Variants in FRAS1 observed in about 807,000 individuals in gnomAD.
FRAS1 encodes the protein extracellular matrix organizing protein FRAS1.
A neutral mutation model predicts 435.2 loss-of-function variants in FRAS1; 290 were observed. That is an observed-to-expected ratio of 0.67 (90% CI 0.61 to 0.73). The LOEUF is 0.73. FRAS1 is among the 30% of genes least tolerant of loss of function. The pLI is 0.00. For missense variants in FRAS1, 4,860 were observed against 5,001.5 expected, an observed-to-expected ratio of 0.97 and a Z score of 0.85; for synonymous variants, 1,800 against 1,851.0, an observed-to-expected ratio of 0.97 and a Z score of 0.71.
At chr4:78,362,212 A>C (rs1309366415) in intron 20 of FRAS1, among the ~76,000 whole-genome samples, 1 of 152,178 alleles carries the variant, frequency 6.6e-6, no homozygotes, top group Non-Finnish European at 1.5e-5. Flanking sequence ...TTAAAGACCA[A>C]AATTTTCCAG....
rs17454641 is a variant in FRAS1, at chr4:78,177,415, C to T, written c.109-60095C>T. On this transcript the variant is annotated intron_variant, in intron 2 of 73. Coordinates refer to ENST00000512123, the MANE Select transcript of FRAS1 (RefSeq NM_025074.7). ...ACACTGCCTTGGTCCATAGTGGAAC[C>T]TTAATGGTGGAGTATGGCCATGGGC... Among the ~76,000 whole-genome samples, 934 of 152,206 alleles carry T rather than the reference C, an allele frequency of 6.1e-3. 2 individuals carry two copies. The highest frequency in any genetic ancestry group is 0.011 in the Non-Finnish European group (743 of 68,010).
At chr4:78,232,359 C>T (rs917220817) in intron 2 of FRAS1, among the ~76,000 whole-genome samples, 6 of 151,338 alleles carry the variant, frequency 4.0e-5, no homozygotes, top group Non-Finnish European at 8.8e-5. Context: ...GATCTCGGCT[C>T]ACTGCAAGCT....
chr4:78,239,237 C>G (rs576061403), intron 3 of FRAS1, among the ~76,000 whole-genome samples: 3 of 152,178 alleles, frequency 2.0e-5, no homozygotes, highest in African/African-American at 7.2e-5. Context: ...AAATGGCAAC[C>G]CCATTCTCCC....
chr4:78,158,506 A>C (rs1720987206), intron 2 of FRAS1, among the ~76,000 whole-genome samples: 1 of 152,110 alleles, frequency 6.6e-6, no homozygotes, highest in African/African-American at 2.4e-5. Flanking sequence ...GGTGTATAGA[A>C]ATGTTTAGTC....
intron 2 of FRAS1, among the ~76,000 whole-genome samples, chr4:78,142,998 A>G (rs1720258599): frequency 6.6e-6 from 1 of 152,304 alleles, no homozygotes; most frequent in Admixed American, 6.5e-5. Context: ...AGAAGATTTA[A>G]ACTTGAATAC....
Position 78,237,596 on chromosome 4 carries a change from C to T in FRAS1, c.195C>T (p.Asn65=), listed in dbSNP as rs200429476. The part of the protein sequence containing the change: ...IVICKPAVCR[N]PQCAFEKGEV... Reference sequence around the variant, plus strand: ...TCTGCAAACCTGCTGTTTGCAGAAACCCTCAATGTGCCTTTGAGAAGGTAC... The same window carrying T: ...TCTGCAAACCTGCTGTTTGCAGAAATCCTCAATGTGCCTTTGAGAAGGTAC... The change falls in exon 3 of 74, where the codon AAC becomes AAT. Residue 65 remains asparagine, a synonymous_variant. Coordinates refer to ENST00000512123, the MANE Select transcript of FRAS1 (RefSeq NM_025074.7). 91 of 1,606,882 alleles carry T rather than the reference C, an allele frequency of 5.7e-5. No homozygotes were observed. Among genetic ancestry groups the T allele is most frequent in the Non-Finnish European group, 7.2e-5 (85 of 1,174,934 alleles).
At chr4:78,530,673 C>T (rs1721683770) in intron 70 of FRAS1, among the ~76,000 whole-genome samples, 1 of 151,994 alleles carries the variant, frequency 6.6e-6, no homozygotes, top group Admixed American at 6.6e-5. Flanking sequence ...ATTACTGAGG[C>T]CTCTGTTCTG....
At chr4:78,337,938 T>TCCAGA in intron 20 of FRAS1, 121 bp downstream of exon 20, 1 of 932,602 alleles carries the variant, frequency 1.1e-6, no homozygotes, top group Non-Finnish European at 1.7e-6. Flanking sequence ...GACATTTGTT[T>TCCAGA]CATGTCTGGA....
Position 78,407,814 on chromosome 4 carries a change from A to C in FRAS1, c.4281A>C (p.Pro1427=). 1 of 1,608,966 alleles carries C rather than the reference A, an allele frequency of 6.2e-7. No homozygotes were observed. Among genetic ancestry groups the C allele is most frequent in the Non-Finnish European group, 8.5e-7 (1 of 1,177,460 alleles). ...GIVWYRHSGA[P]AQSDSFRFEV... ...TATGGTACAGGCACTCAGGAGCCCC[A>C]GCCCAGAGCGACTCCTTCCGCTTCG... Residue 1427 remains proline, a synonymous_variant, in exon 31 of 74, where the codon CCA becomes CCC. Coordinates refer to ENST00000512123, the MANE Select transcript of FRAS1 (RefSeq NM_025074.7).
chr4:78,438,828 T>A, intron 39 of FRAS1, 74 bp from the exon 40 acceptor site: 1 of 1,515,074 alleles, frequency 6.6e-7, no homozygotes, highest in South Asian at 1.2e-5. Flanking sequence ...GCCCCATTTT[T>A]AAACAAAGAT....
At chr4:78,258,868 C>T (rs1413410750) in intron 6 of FRAS1, among the ~76,000 whole-genome samples, 1 of 95,886 alleles carries the variant, frequency 1.0e-5, no homozygotes, top group Non-Finnish European at 2.0e-5. Context: ...CCCCCCACCC[C>T]ACAACAGTCC....
chr4:78,527,155 G>A (rs1044921132), intron 70 of FRAS1, among the ~76,000 whole-genome samples: 4 of 152,104 alleles, frequency 2.6e-5, no homozygotes, highest in Non-Finnish European at 5.9e-5. Flanking sequence ...GTGAACAGAG[G>A]CTCATAGGAA....
At chr4:78,186,019 C>G (rs1388092169) in intron 2 of FRAS1, among the ~76,000 whole-genome samples, 1 of 152,134 alleles carries the variant, frequency 6.6e-6, no homozygotes, top group Non-Finnish European at 1.5e-5. Flanking sequence ...TTGAATATTC[C>G]ACAGTTGTCA....
intron 20 of FRAS1, among the ~76,000 whole-genome samples, chr4:78,342,230 A>G (rs1237760660): frequency 6.6e-6 from 1 of 152,166 alleles, no homozygotes. Context: ...TGCATTCTCT[A>G]TTTGACTTGG....
At chr4:78,478,565 A>G (rs1477140929) in intron 55 of FRAS1, among the ~76,000 whole-genome samples, 2 of 152,262 alleles carry the variant, frequency 1.3e-5, no homozygotes, top group Non-Finnish European at 2.9e-5. Flanking sequence ...ACTGATACAT[A>G]GTAATTGTGC....
chr4:78,454,201 C>T (rs1719115940), intron 47 of FRAS1, among the ~76,000 whole-genome samples: 1 of 150,714 alleles, frequency 6.6e-6, no homozygotes, highest in Non-Finnish European at 1.5e-5. Context: ...ACATTCCAGA[C>T]AGAGGGATCA....
At chr4:78,440,219 A>T (rs567633902) in intron 40 of FRAS1, among the ~76,000 whole-genome samples, 279 of 151,344 alleles carry the variant, frequency 1.8e-3, no homozygotes, top group Non-Finnish European at 3.3e-3. Context: ...TTTTTAGTAG[A>T]GACGGGGTTT....
intron 2 of FRAS1, among the ~76,000 whole-genome samples, chr4:78,114,234 T>C (rs565163941): frequency 6.6e-6 from 1 of 152,296 alleles, no homozygotes; most frequent in East Asian, 1.9e-4. Context: ...TACTGTAGCC[T>C]TGTAGTATAG....
intron 2 of FRAS1, among the ~76,000 whole-genome samples, chr4:78,095,003 A>G (rs908018451): frequency 7.9e-5 from 12 of 152,350 alleles, no homozygotes; most frequent in African/African-American, 2.9e-4. Flanking sequence ...GTTCTGCAGG[A>G]GAAACCTGAT....
Sources: gnomAD v4.1 joint callset for allele counts (sites outside exome capture counted in the v4.1 genomes callset) on GRCh38, gnomAD v4.1.1 for gene constraint, MANE v1.5 for transcripts, NCBI Gene and HGNC (gene_info 2026-07-23, HGNC 2026-07-21) for gene names.